The following MYH2 variants were observed in gnomAD, a reference collection of about 807,000 sequenced individuals.
MYH2 encodes the protein myosin-2.
A neutral mutation model predicts 228.1 loss-of-function variants in MYH2; 139 were observed. The observed-to-expected ratio is 0.61, with a 90% CI of 0.53 to 0.70. The LOEUF (loss-of-function observed/expected upper bound fraction) is 0.70. Among genes scored for constraint, MYH2 ranks in the 30% least tolerant of loss-of-function variants. MYH2 has a pLI of 0.00. For synonymous variants in MYH2, 796 were observed against 871.1 expected, an observed-to-expected ratio of 0.91 and a Z score of 1.52; for missense variants, 1,809 against 2,357.5, an observed-to-expected ratio of 0.77 and a Z score of 4.82.
Position 10,533,888 on chromosome 17 carries a change from G to C in MYH2, c.2181-256C>G, listed in dbSNP as rs12938380. Reference sequence around the variant, plus strand: ...GAAAAGGGTTCTGCCTTAAGAAAGGGACACATTATGGTGTGCCTAACCAAT... The same window carrying C: ...GAAAAGGGTTCTGCCTTAAGAAAGGCACACATTATGGTGTGCCTAACCAAT... On this transcript the variant is annotated intron_variant, in intron 19 of 39. Transcript: ENST00000245503. Among the ~76,000 whole-genome samples the C allele has an allele frequency of 0.058, 8,823 of 152,152 alleles. 281 individuals carry two copies. Among genetic ancestry groups the C allele is most frequent in the South Asian group, 0.12 (587 of 4,810 alleles).
Position 10,524,422 on chromosome 17 carries a change from A to T in MYH2, c.5175+44T>A. 1 of 1,612,292 alleles carries T rather than the reference A, an allele frequency of 6.2e-7. No individual in the cohort carries two copies. The highest frequency in any genetic ancestry group is 8.5e-7 in the Non-Finnish European group (1 of 1,178,322). On this transcript the variant is annotated intron_variant, in intron 35 of 39. Coordinates refer to ENST00000245503, the MANE Select transcript of MYH2 (RefSeq NM_017534.6). The surrounding 1 kb of genome is among the most constrained non-coding windows in gnomAD (Gnocchi z 4.7). ...AAAACTCAGGCTTATCTATTCTGGG[A>T]CATATAAAATTTACTAAGGAGAGTT...
chr17:10,521,477 T>C lies in MYH2; in HGVS notation c.5674-45A>G, dbSNP rs761387062. 3.8e-6 allele frequency: 6 copies of C among 1,599,140 alleles called. No homozygotes were observed. In the Admixed American group the frequency reaches 5.0e-5, roughly 13 times the overall value. On this transcript the variant is annotated intron_variant, in intron 39 of 39. Coordinates refer to ENST00000245503, the MANE Select transcript of MYH2 (RefSeq NM_017534.6). ...TGTAAGGAACTCATACTTGCATCTT[T>C]CTAGACTCTTTAGACCTAATAGAAG... is the stretch of plus-strand genomic sequence containing the variant.
intron 2 of MYH2, among the ~76,000 whole-genome samples, chr17:10,548,166 T>A (rs1462087352): frequency 6.6e-6 from 1 of 152,162 alleles, no homozygotes; most frequent in Non-Finnish European, 1.5e-5. Flanking sequence ...ACTGTCTTAT[T>A]TCATCCTCCA....
intron 11 of MYH2, among the ~76,000 whole-genome samples, chr17:10,540,366 A>AAAG (rs1222502976): frequency 6.6e-6 from 1 of 152,084 alleles, no homozygotes; most frequent in Non-Finnish European, 1.5e-5. Flanking sequence ...TTGCAAAAAA[A>AAAG]AAAAAATAGT....
chr17:10,528,543 A>T, intron 27 of MYH2, 147 bp downstream of exon 27: 1 of 1,267,364 alleles, frequency 7.9e-7, no homozygotes, highest in Non-Finnish European at 1.1e-6. Context: ...GTTAAGTTGA[A>T]ATAATAAAAA....
intron 22 of MYH2, among the ~76,000 whole-genome samples, chr17:10,530,367 C>T (rs1231703425): frequency 6.6e-6 from 1 of 152,150 alleles, no homozygotes; most frequent in African/African-American, 2.4e-5. Flanking sequence ...CATAACAGAT[C>T]AGAGAAGTTG....
At position 10,546,256 on chromosome 17, in the gene MYH2, GATATATATATATATATAT is replaced by G. The variant is rs71139049; in HGVS notation, c.349-772_349-755del. ...GTTATAAGGAAACAGGACACGAAAT[GATATATATATATATATAT>G]ATATATATATATATACATCATGATT... On this transcript the variant is annotated intron_variant, in intron 4 of 39. Coordinates refer to ENST00000245503, the MANE Select transcript of MYH2 (RefSeq NM_017534.6). Among the ~76,000 whole-genome samples the G allele has an allele frequency of 2.4e-3, 162 of 66,134 alleles. 2 individuals carry two copies. In the East Asian group the frequency reaches 0.072, roughly 29 times the overall value. The allele number at this position is 66,134 out of a possible 152,430, so 43.4% of individuals were successfully genotyped here.
Position 10,537,237 on chromosome 17 carries a change from T to C in MYH2, c.1893A>G (p.Glu631=). ...TTATTAACATTTGAGCATTACCTCC[T>C]TCAGCAGTTTGAGCCCCAGAGAAGA... ...AQLFSGAQTA[E]GEGAGGGAKK... Residue 631 remains glutamate (E), a synonymous_variant, in exon 16 of 40, where the codon GAA becomes GAG. Coordinates refer to ENST00000245503, the MANE Select transcript of MYH2 (RefSeq NM_017534.6). The surrounding 1 kb of genome is among the most constrained non-coding windows in gnomAD (Gnocchi z 4.0). 6.2e-7 allele frequency: 1 copy of C among 1,614,226 alleles called. No homozygotes were observed. The highest frequency in any genetic ancestry group is 8.5e-7 in the Non-Finnish European group (1 of 1,180,020).
At chr17:10,539,062 A>T (rs189318273) in intron 14 of MYH2, 143 bp downstream of exon 14, 2 of 1,465,064 alleles carry the variant, frequency 1.4e-6, no homozygotes, top group East Asian at 4.7e-5. Flanking sequence ...TTGGTACTAC[A>T]ATAACTGACC....
intron 19 of MYH2, 98 bp downstream of exon 19, chr17:10,534,975 A>C: frequency 7.3e-7 from 1 of 1,373,188 alleles, no homozygotes; most frequent in Non-Finnish European, 1.0e-6. Context: ...TTGTGACAAA[A>C]CTAACAAGTA....
In MYH2 at chr17:10,526,935, T is replaced by C. The variant is rs761208314; in HGVS notation, c.3990+3A>G. 1 of 1,613,654 alleles carries C rather than the reference T, an allele frequency of 6.2e-7. No individual in the cohort carries two copies. The highest frequency in any genetic ancestry group is 8.5e-7 in the Non-Finnish European group (1 of 1,179,628). On this transcript the variant is annotated splice_donor_region_variant and intron_variant, in intron 29 of 39. Coordinates refer to ENST00000245503, the MANE Select transcript of MYH2 (RefSeq NM_017534.6). ...AAAAAATCAGTCTTAGAATCATAAT[T>C]ACTTTTATCTCCTCTTCAAGTTGCC...
chr17:10,525,394 A>T lies in MYH2; in HGVS notation c.4538-46T>A. 1 of 1,614,150 alleles carries T rather than the reference A, an allele frequency of 6.2e-7. No homozygotes were observed. The highest frequency in any genetic ancestry group is 8.5e-7 in the Non-Finnish European group (1 of 1,179,978). Reference sequence around the variant, plus strand: ...AGGTAGGGATTTGGTTAAACATGTGACATAAGGGAGAGATTCTTCCAAGTT... The same window carrying T: ...AGGTAGGGATTTGGTTAAACATGTGTCATAAGGGAGAGATTCTTCCAAGTT... On this transcript the variant is annotated intron_variant, in intron 32 of 39. Transcript: ENST00000245503. The surrounding 1 kb of genome is among the most constrained non-coding windows in gnomAD (Gnocchi z 4.2).
chr17:10,523,813 G>A lies in MYH2; in HGVS notation c.5247C>T (p.Asp1749=). 2 of 1,614,170 alleles carry A rather than the reference G, an allele frequency of 1.2e-6. No homozygotes were observed. The highest frequency in any genetic ancestry group is 1.7e-6 in the Non-Finnish European group (2 of 1,180,014). Reference sequence around the variant, plus strand: ...CTGCATTGCGGGCTTCCTGGAGAATGTCCTCCATCTCTCCTTGCATTTGGG... The same window carrying A: ...CTGCATTGCGGGCTTCCTGGAGAATATCCTCCATCTCTCCTTGCATTTGGG... ...DISQMQGEME[D]ILQEARNAEE... The change falls in exon 36 of 40, where the codon GAC becomes GAT. Residue 1749 remains aspartate (D), a synonymous_variant. Coordinates refer to ENST00000245503, the MANE Select transcript of MYH2 (RefSeq NM_017534.6).
chr17:10,526,201 T>C (rs1253496949), intron 30 of MYH2, among the ~76,000 whole-genome samples: 2 of 152,158 alleles, frequency 1.3e-5, no homozygotes, highest in Non-Finnish European at 2.9e-5. Flanking sequence ...CTACTCTAGA[T>C]ATTCAGTGAA....
chr17:10,525,382 G>C lies in MYH2; in HGVS notation c.4538-34C>G. The C allele has an allele frequency of 6.2e-7, 1 of 1,614,126 alleles. No individual in the cohort carries two copies. The highest frequency in any genetic ancestry group is 8.5e-7 in the Non-Finnish European group (1 of 1,180,006). Reference sequence around the variant, plus strand: ...TGAGTAAAAGACAGGTAGGGATTTGGTTAAACATGTGACATAAGGGAGAGA... The same window carrying C: ...TGAGTAAAAGACAGGTAGGGATTTGCTTAAACATGTGACATAAGGGAGAGA... On this transcript the variant is annotated intron_variant, in intron 32 of 39. Coordinates refer to ENST00000245503, the MANE Select transcript of MYH2 (RefSeq NM_017534.6). The surrounding 1 kb of genome is among the most constrained non-coding windows in gnomAD (Gnocchi z 4.2).
intron 4 of MYH2, among the ~76,000 whole-genome samples, chr17:10,546,698 C>T (rs1272088217): frequency 6.6e-6 from 1 of 151,266 alleles, no homozygotes; most frequent in East Asian, 1.9e-4. Context: ...GAGGAGGTGA[C>T]ATTCCAGATA....
Position 10,547,627 on chromosome 17 carries a change from C to G in MYH2, c.205-9G>C. 1.9e-6 allele frequency: 3 copies of G among 1,614,138 alleles called. No individual in the cohort carries two copies. The highest frequency in any genetic ancestry group is 2.5e-6 in the Non-Finnish European group (3 of 1,180,018). On this transcript the variant is annotated splice_polypyrimidine_tract_variant and intron_variant, in intron 3 of 39. Transcript: ENST00000245503. ...TCCTTCACTGTCAGAGTCTGGTAAA[C>G]AGGAAAGATAACCGTTTACATTAAT...
At chr17:10,532,024 G>T in intron 21 of MYH2, 136 bp from the exon 22 acceptor site, 2 of 1,116,566 alleles carry the variant, frequency 1.8e-6, no homozygotes, top group East Asian at 2.4e-5. Context: ...ATTCTATTTC[G>T]GGATGATGGT....
chr17:10,523,791 C>T lies in MYH2; in HGVS notation c.5269G>A (p.Ala1757Thr). 6.2e-7 allele frequency: 1 copy of T among 1,614,230 alleles called. No individual in the cohort carries two copies. The change falls in exon 36 of 40, where the codon GCA (alanine) becomes ACA (threonine). Residue 1757 changes from alanine (A) to threonine (T), a missense_variant. Physicochemically the swap from Ala to Thr is moderately conservative, Grantham distance 58 (BLOSUM62 0). This residue lies in a region of MYH2 where 278 missense variants were observed against 308.5 expected (regional missense o/e 0.90). Coordinates refer to ENST00000245503, the MANE Select transcript of MYH2 (RefSeq NM_017534.6). ...MEDILQEARNAEEKAKKAITD... is the reference protein window; with the variant it reads ...MEDILQEARNTEEKAKKAITD... Reference sequence around the variant, plus strand: ...ATGGCCTTCTTGGCCTTTTCTTCTGCATTGCGGGCTTCCTGGAGAATGTCC... The same window carrying T: ...ATGGCCTTCTTGGCCTTTTCTTCTGTATTGCGGGCTTCCTGGAGAATGTCC...
Sources: allele counts gnomAD v4.1 joint callset (sites outside exome capture counted in the v4.1 genomes callset), GRCh38; gene constraint gnomAD v4.1.1; regional missense constraint gnomAD v4.1.1; non-coding constraint Gnocchi (gnomAD v3.1); transcripts MANE v1.5; gene names NCBI Gene and HGNC (gene_info 2026-07-23, HGNC 2026-07-21).